Variants in BCAS3 observed in about 807,000 individuals in gnomAD.
BCAS3 encodes BCAS3 microtubule associated cell migration factor.
In BCAS3, 53 loss-of-function variants were observed where a neutral mutation model predicts 116.1. The observed-to-expected ratio is 0.46, with a 90% confidence interval of 0.37 to 0.57. The LOEUF (loss-of-function observed/expected upper bound fraction) is 0.57. BCAS3 is among the 20% of genes least tolerant of loss of function. The pLI is 0.00. For missense variants in BCAS3, 917 were observed against 1,165.4 expected (o/e 0.79, Z 3.10); for synonymous variants, 391 against 408.2 (o/e 0.96, Z 0.51).
At chr17:60,703,960 A>G (rs1376657717) in intron 4 of BCAS3, among the ~76,000 whole-genome samples, 1 of 151,910 alleles carries the variant, frequency 6.6e-6, no homozygotes, top group East Asian at 1.9e-4. Context: ...AAGACTTACT[A>G]TAGACTCTAA....
chr17:61,334,125 C>T, intron 22 of BCAS3, among the ~76,000 whole-genome samples: 1 of 152,160 alleles, frequency 6.6e-6, no homozygotes, highest in Middle Eastern at 3.2e-3. Flanking sequence ...GATATGTAGA[C>T]AGATGATCAT....
chr17:61,125,542 T>A (rs925290323), intron 22 of BCAS3, among the ~76,000 whole-genome samples: 11 of 152,226 alleles, frequency 7.2e-5, no homozygotes, highest in East Asian at 3.9e-4. Flanking sequence ...ACAAAAAAAA[T>A]TTTTATCAAT....
chr17:60,932,596 GC>G (rs2059707702), intron 13 of BCAS3, among the ~76,000 whole-genome samples: 1 of 151,710 alleles, frequency 6.6e-6, no homozygotes, highest in Non-Finnish European at 1.5e-5. Context: ...CAAAAAATTA[GC>G]CAGGCGTGGT....
rs1212188502 is a variant in BCAS3 at position 61,302,119 on chromosome 17, T to C, written c.2426-66208T>C. Among the ~76,000 whole-genome samples, 43 of 152,094 alleles carry C rather than the reference T, an allele frequency of 2.8e-4. No homozygotes were observed. The highest frequency in any genetic ancestry group is 2.8e-3 in the Admixed American group (43 of 15,270). On this transcript the variant is annotated intron_variant, in intron 22 of 23. Coordinates refer to ENST00000407086, the MANE Select transcript of BCAS3 (RefSeq NM_017679.5). This position sits in a 1 kb window ranked among gnomAD's most constrained non-coding sequence, Gnocchi z 4.4. ...TTCTCTACACATACAGTCAGCTCAT[T>C]ACCTCCTCCCTGTCCCACTCTTGCC...
intron 6 of BCAS3, among the ~76,000 whole-genome samples, chr17:60,774,131 C>T (rs771872966): frequency 6.6e-6 from 1 of 152,170 alleles, no homozygotes; most frequent in African/African-American, 2.4e-5. Context: ...TCACAACTCA[C>T]TGATGCTCTG....
chr17:60,803,796 ATTTTT>A (rs11384999), intron 6 of BCAS3, among the ~76,000 whole-genome samples: 2 of 89,310 alleles, frequency 2.2e-5, no homozygotes, highest in Admixed American at 3.0e-4. Flanking sequence ...AACTATTACG[ATTTTT>A]TTTTTTTTTT....
At position 61,008,623 on chromosome 17, in the gene BCAS3, A is replaced by G. The variant is rs1171770245; in HGVS notation, c.1487-7128A>G. On this transcript the variant is annotated intron_variant, in intron 15 of 23. Transcript: ENST00000407086. The surrounding 1 kb of genome is among the most constrained non-coding windows in gnomAD (Gnocchi z 4.6). ...ATATTTTAGATTTTTATCCCTGTCA[A>G]TTCCACAGCAAGATATTAAAAACAG... Among the ~76,000 whole-genome samples, 1 of 151,894 alleles carries G rather than the reference A, an allele frequency of 6.6e-6. No individual in the cohort carries two copies. Among genetic ancestry groups the G allele is most frequent in the Non-Finnish European group, 1.5e-5 (1 of 67,958 alleles).
At chr17:60,711,889 C>T (rs755723945) in intron 5 of BCAS3, among the ~76,000 whole-genome samples, 2 of 151,644 alleles carry the variant, frequency 1.3e-5, no homozygotes, top group South Asian at 2.1e-4. Flanking sequence ...CAGCCGGGTG[C>T]GGTGGCTCAT....
intron 22 of BCAS3, among the ~76,000 whole-genome samples, chr17:61,115,376 A>G (rs1240459800): frequency 6.6e-6 from 1 of 151,842 alleles, no homozygotes; most frequent in African/African-American, 2.4e-5. Flanking sequence ...TCTACAATGA[A>G]CTCAAACAAA....
rs1261789674 is a variant in BCAS3, at chr17:61,244,707, C to CA, written c.2426-123614dup. Among the ~76,000 whole-genome samples the CA allele has an allele frequency of 1.3e-5, 2 of 151,870 alleles. No homozygotes were observed. Among genetic ancestry groups the CA allele is most frequent in the Non-Finnish European group, 2.9e-5 (2 of 67,994 alleles). On this transcript the variant is annotated intron_variant, in intron 22 of 23. Transcript: ENST00000407086. This position sits in a 1 kb window ranked among gnomAD's most constrained non-coding sequence, Gnocchi z 4.9. Reference sequence around the variant, plus strand: ...TGAAACTTCATCTCTACTAAAAATACAAAAAATTAGCAGGGCGTGGTGGTG... The same window carrying CA: ...TGAAACTTCATCTCTACTAAAAATACAAAAAAATTAGCAGGGCGTGGTGGTG...
chr17:60,985,882 G>A lies in BCAS3; in HGVS notation c.1222-4089G>A, dbSNP rs150895704. ...CTCCCAAGTAGCTGGAATTACAGGC[G>A]CACGCCAACACACCAGGCTAATTTT... is the stretch of plus-strand genomic sequence containing the variant. On this transcript the variant is annotated intron_variant, in intron 14 of 23. Coordinates refer to ENST00000407086, the MANE Select transcript of BCAS3 (RefSeq NM_017679.5). Among the ~76,000 whole-genome samples, 760 of 152,164 alleles carry A rather than the reference G, an allele frequency of 5.0e-3. 4 individuals carry two copies. Among genetic ancestry groups the A allele is most frequent in the African/African-American group, 0.018 (728 of 41,494 alleles).
At position 61,388,750 on chromosome 17, in the gene BCAS3, G is replaced by C; in HGVS notation, c.2594-3227G>C. ...CCATTTGCCGCTTGCTCGTAGGGCT[G>C]GGCGGCCGGGATGACTTGGAGGGGG... On this transcript the variant is annotated intron_variant, in intron 23 of 23. Coordinates refer to ENST00000407086, the MANE Select transcript of BCAS3 (RefSeq NM_017679.5). The surrounding 1 kb of genome is among the most constrained non-coding windows in gnomAD (Gnocchi z 6.5). 6.6e-7 allele frequency: 1 copy of C among 1,517,894 alleles called. No homozygotes were observed. The highest frequency in any genetic ancestry group is 8.8e-7 in the Non-Finnish European group (1 of 1,132,894). The allele number at this position is 1,517,894 out of a possible 1,614,324, so 94.0% of individuals were successfully genotyped here. A position where few individuals can be genotyped will look rare whatever the true frequency, so the allele number is the denominator to read the frequency against.
intron 7 of BCAS3, among the ~76,000 whole-genome samples, chr17:60,860,647 G>C (rs1261368488): frequency 1.3e-5 from 2 of 152,122 alleles, no homozygotes; most frequent in Admixed American, 1.3e-4. Flanking sequence ...ACCTTGAGTT[G>C]ATTTTTGTAT....
At chr17:60,756,410 T>G (rs2042990067) in intron 6 of BCAS3, among the ~76,000 whole-genome samples, 1 of 152,162 alleles carries the variant, frequency 6.6e-6, no homozygotes, top group African/African-American at 2.4e-5. Context: ...AACCTCTCTT[T>G]ATCCACCCCC....
rs2077068599 is a variant in BCAS3 at position 61,144,094 on chromosome 17, A to G, written c.2425+59530A>G. Among the ~76,000 whole-genome samples the G allele has an allele frequency of 6.6e-6, 1 of 152,220 alleles. No homozygotes were observed. The highest frequency in any genetic ancestry group is 2.4e-5 in the African/African-American group (1 of 41,458). ...TAAGTTATAAGTTTTTGTTCATTTC[A>G]TAGGAGGACAGTTGACTCCTTTCTA... On this transcript the variant is annotated intron_variant, in intron 22 of 23. Transcript: ENST00000407086. The surrounding 1 kb of genome is among the most constrained non-coding windows in gnomAD (Gnocchi z 5.0).
intron 6 of BCAS3, among the ~76,000 whole-genome samples, chr17:60,802,925 G>A (rs1165556848): frequency 6.6e-6 from 1 of 152,102 alleles, no homozygotes; most frequent in Non-Finnish European, 1.5e-5. Context: ...TCTATTTGTC[G>A]ACTTTTAACT....
intron 15 of BCAS3, among the ~76,000 whole-genome samples, chr17:61,015,434 G>A (rs181756892): frequency 4.6e-5 from 7 of 152,164 alleles, no homozygotes; most frequent in South Asian, 4.1e-4. Flanking sequence ...GATGACAAGC[G>A]TGTACCACAA....
At chr17:61,240,332 T>C (rs1170505908) in intron 22 of BCAS3, among the ~76,000 whole-genome samples, 1 of 152,162 alleles carries the variant, frequency 6.6e-6, no homozygotes, top group East Asian at 1.9e-4. Context: ...GTCCATATTC[T>C]TTTCACTATA....
Position 61,326,999 on chromosome 17 carries a change from A to AT in BCAS3, c.2426-41328_2426-41327insT, listed in dbSNP as rs1568859518. Among the ~76,000 whole-genome samples the AT allele has an allele frequency of 5.3e-5, 8 of 152,146 alleles. No homozygotes were observed. The highest frequency in any genetic ancestry group is 7.2e-5 in the African/African-American group (3 of 41,430). On this transcript the variant is annotated intron_variant, in intron 22 of 23. Transcript: ENST00000407086. The surrounding 1 kb of genome is among the most constrained non-coding windows in gnomAD (Gnocchi z 5.3). Reference sequence around the variant, plus strand: ...TTAAAGGAAATATAAAAGGGCAATAAAATTTTTAATTAAAAAACAAAACAG... The same window carrying AT: ...TTAAAGGAAATATAAAAGGGCAATAATAATTTTTAATTAAAAAACAAAACAG...
Sources: allele counts gnomAD v4.1 joint callset (sites outside exome capture counted in the v4.1 genomes callset), GRCh38; gene constraint gnomAD v4.1.1; non-coding constraint Gnocchi (gnomAD v3.1); transcripts MANE v1.5; gene names NCBI Gene and HGNC (gene_info 2026-07-23, HGNC 2026-07-21).